The following PAMR1 variants were observed in gnomAD, a reference collection of about 807,000 sequenced individuals.
PAMR1 encodes the protein inactive serine protease PAMR1.
A neutral mutation model predicts 81.8 loss-of-function variants in PAMR1; 88 were observed. The ratio of observed to expected loss-of-function variants is 1.08; its 90% confidence interval spans 0.91 to 1.28. The LOEUF (loss-of-function observed/expected upper bound fraction) is 1.28, where lower values mean the gene tolerates loss of function less well. Among genes scored for constraint, PAMR1 ranks in the 50% most tolerant of loss-of-function variants. The pLI is 0.00. For missense variants in PAMR1, 935 were observed against 919.7 expected (o/e 1.02, Z -0.21); for synonymous variants, 336 against 345.3 (o/e 0.97, Z 0.30).
chr11:35,499,880 C>T (rs1850797796), intron 1 of PAMR1, among the ~76,000 whole-genome samples: 1 of 152,214 alleles, frequency 6.6e-6, no homozygotes, highest in African/African-American at 2.4e-5. Context: ...GAGGCATATG[C>T]TGTAATATCC....
At chr11:35,502,348 C>G (rs1230194281) in intron 1 of PAMR1, among the ~76,000 whole-genome samples, 1 of 152,170 alleles carries the variant, frequency 6.6e-6, no homozygotes, top group Non-Finnish European at 1.5e-5. Context: ...CTGCACCTAT[C>G]AATCCATCAC....
At chr11:35,459,690 GT>G (rs1157579299) in intron 6 of PAMR1, among the ~76,000 whole-genome samples, 3 of 152,184 alleles carry the variant, frequency 2.0e-5, no homozygotes, top group Admixed American at 6.5e-5. Context: ...CTGGAAGCAT[GT>G]AATAACTTTC....
upstream of PAMR1, chr11:35,525,632 G>T: frequency 6.4e-7 from 1 of 1,568,642 alleles, no homozygotes. Flanking sequence ...GGGAGAGGAG[G>T]GACCCAGGGA....
chr11:35,521,623 C>A (rs1455279086), intron 1 of PAMR1, among the ~76,000 whole-genome samples: 2 of 152,176 alleles, frequency 1.3e-5, no homozygotes. Flanking sequence ...TTGCCACAAC[C>A]AGCCAAGAAG....
At chr11:35,524,865 C>G (rs1169122095) in intron 1 of PAMR1, among the ~76,000 whole-genome samples, 1 of 152,170 alleles carries the variant, frequency 6.6e-6, no homozygotes, top group Non-Finnish European at 1.5e-5. Flanking sequence ...CCAAAGAAGC[C>G]AGAGCTCTTT....
chr11:35,477,745 T>C (rs1190066382), intron 3 of PAMR1, among the ~76,000 whole-genome samples: 1 of 152,180 alleles, frequency 6.6e-6, no homozygotes, highest in Non-Finnish European at 1.5e-5. Flanking sequence ...GTATCAACGC[T>C]GAGTCTTTGC....
chr11:35,462,560 A>T (rs573077536), intron 6 of PAMR1, among the ~76,000 whole-genome samples: 2 of 152,286 alleles, frequency 1.3e-5, no homozygotes, highest in African/African-American at 4.8e-5. Context: ...GATTGTAGAA[A>T]CTAGTGTTGT....
In PAMR1 at chr11:35,470,692, G is replaced by T. The variant is rs1445961723; in HGVS notation, c.621C>A (p.Ile207=). 2 of 1,613,856 alleles carry T rather than the reference G, an allele frequency of 1.2e-6. No individual in the cohort carries two copies. Among genetic ancestry groups the T allele is most frequent in the Admixed American group, 1.7e-5 (1 of 60,022 alleles). ...RVCGNERPAP[I]QSIGSSLHVL... ...CGTGGAGTGAGGATCCTATGCTCTG[G>T]ATAGGAGCTGGCCGCTCGTTGCCAC... The change falls in exon 5 of 11, where the codon ATC becomes ATA. Residue 207 remains isoleucine (I), a synonymous_variant. Coordinates refer to ENST00000619888, the MANE Select transcript of PAMR1 (RefSeq NM_001001991.3).
At chr11:35,482,124 G>C (rs1418143461) in intron 3 of PAMR1, among the ~76,000 whole-genome samples, 1 of 152,140 alleles carries the variant, frequency 6.6e-6, no homozygotes, top group Non-Finnish European at 1.5e-5. Flanking sequence ...CCTATGTCCT[G>C]AATGGTGTTG....
At chr11:35,502,850 T>C (rs1850877504) in intron 1 of PAMR1, among the ~76,000 whole-genome samples, 1 of 152,194 alleles carries the variant, frequency 6.6e-6, no homozygotes, top group African/African-American at 2.4e-5. Flanking sequence ...CATGTATTAA[T>C]AATCCCAGTT....
chr11:35,524,553 A>G (rs1185620455), intron 1 of PAMR1, among the ~76,000 whole-genome samples: 1 of 152,196 alleles, frequency 6.6e-6, no homozygotes, highest in Non-Finnish European at 1.5e-5. Flanking sequence ...GGTGACAGGT[A>G]ACCAGCACAG....
intron 3 of PAMR1, among the ~76,000 whole-genome samples, chr11:35,477,107 GC>G (rs1164529182): frequency 6.6e-6 from 1 of 151,990 alleles, no homozygotes; most frequent in African/African-American, 2.4e-5. Flanking sequence ...GCTAAAACAG[GC>G]CCTCCCAATT....
intron 1 of PAMR1, among the ~76,000 whole-genome samples, chr11:35,522,174 G>A (rs1205463667): frequency 2.6e-5 from 4 of 152,128 alleles, no homozygotes; most frequent in East Asian, 1.9e-4. Context: ...TGCCCGCCCT[G>A]GCCTCCCAAA....
chr11:35,526,638 T>A (rs1010324805), upstream of PAMR1, among the ~76,000 whole-genome samples: 8 of 152,324 alleles, frequency 5.3e-5, no homozygotes, highest in African/African-American at 1.7e-4. Context: ...ACACAGTTAG[T>A]GAGGGGCAGA....
At chr11:35,511,359 T>C (rs1851069356) in intron 1 of PAMR1, among the ~76,000 whole-genome samples, 1 of 152,194 alleles carries the variant, frequency 6.6e-6, no homozygotes, top group Non-Finnish European at 1.5e-5. Flanking sequence ...TTTAAGAAAA[T>C]ATGTTGCCAT....
At position 35,491,381 on chromosome 11, in the gene PAMR1, A is replaced by G. The variant is rs1377785405; in HGVS notation, c.379+664T>C. ...GACCATTCTAACTGCTTCTGATTCAAGTTGGAAGCATATGGAATAAGTTAG... is the reference window on the plus strand; with the variant it reads ...GACCATTCTAACTGCTTCTGATTCAGGTTGGAAGCATATGGAATAAGTTAG... On this transcript the variant is annotated intron_variant, in intron 3 of 10. Coordinates refer to ENST00000619888, the MANE Select transcript of PAMR1 (RefSeq NM_001001991.3). 3.3e-5 allele frequency among the ~76,000 whole-genome samples: 5 copies of G among 152,366 alleles called. No homozygotes were observed. The East Asian group carries it at 9.6e-4, about 29-fold the overall frequency.
intron 3 of PAMR1, 39 bp from the exon 4 acceptor site, chr11:35,474,783 G>T (rs753295681): frequency 1.4e-6 from 2 of 1,406,884 alleles, no homozygotes; most frequent in Non-Finnish European, 2.0e-6. Flanking sequence ...AAAAATGGAG[G>T]TCAATAGGAA....
intron 9 of PAMR1, among the ~76,000 whole-genome samples, chr11:35,435,620 A>G (rs1856023940): frequency 6.6e-6 from 1 of 152,180 alleles, no homozygotes; most frequent in African/African-American, 2.4e-5. Context: ...GCCCTCTGGC[A>G]CCTTTAACCC....
At chr11:35,453,070 GAA>G (rs903212061) in intron 6 of PAMR1, among the ~76,000 whole-genome samples, 4 of 152,186 alleles carry the variant, frequency 2.6e-5, no homozygotes, top group African/African-American at 9.7e-5. Flanking sequence ...CTAGGGTTTG[GAA>G]AAATTACATA....
Sources: allele counts gnomAD v4.1 joint callset (sites outside exome capture counted in the v4.1 genomes callset), GRCh38; gene constraint gnomAD v4.1.1; transcripts MANE v1.5; gene names NCBI Gene and HGNC (gene_info 2026-07-23, HGNC 2026-07-21).